CPA3: variants seen among roughly 807,000 people sequenced by gnomAD.
CPA3 encodes the protein carboxypeptidase A3, also known as mast cell carboxypeptidase A.
Under a neutral mutation model 55.8 loss-of-function variants are expected in CPA3, and 52 were observed. That is an observed-to-expected ratio of 0.93 (90% CI 0.75 to 1.17). CPA3 has a LOEUF of 1.17. Among genes scored for constraint, CPA3 ranks in the 50% most tolerant of loss-of-function variants. CPA3 has a pLI of 0.00. For synonymous variants in CPA3, 179 were observed against 171.2 expected, an observed-to-expected ratio of 1.05 and a Z score of -0.36; for missense variants, 547 against 509.1, an observed-to-expected ratio of 1.07 and a Z score of -0.72.
intron 3 of CPA3, among the ~76,000 whole-genome samples, chr3:148,873,657 A>G (rs1326187570): frequency 6.6e-6 from 1 of 152,230 alleles, no homozygotes; most frequent in Non-Finnish European, 1.5e-5. Context: ...TTTCACTCTC[A>G]TGATGAAGGC....
At chr3:148,867,978 C>G (rs754268267) in intron 2 of CPA3, among the ~76,000 whole-genome samples, 9 of 152,200 alleles carry the variant, frequency 5.9e-5, no homozygotes, top group Non-Finnish European at 1.0e-4. Flanking sequence ...TCACTGCAAC[C>G]TCCACCTCCC....
chr3:148,884,043 C>T (rs1246837154), intron 9 of CPA3, among the ~76,000 whole-genome samples: 1 of 151,692 alleles, frequency 6.6e-6, no homozygotes, highest in African/African-American at 2.4e-5. Context: ...AAAAAAAAAT[C>T]AGGAAGAAAT....
At chr3:148,885,476 T>A (rs574509887) in intron 9 of CPA3, among the ~76,000 whole-genome samples, 3 of 140,318 alleles carry the variant, frequency 2.1e-5, no homozygotes, top group Admixed American at 7.7e-5. Context: ...AGTGGCGCAA[T>A]CTTGGCTCAC....
intron 10 of CPA3, 71 bp downstream of exon 10, chr3:148,886,248 G>C: frequency 8.8e-7 from 1 of 1,134,102 alleles, no homozygotes; most frequent in South Asian, 1.5e-5. Flanking sequence ...GAAAATTATG[G>C]AATTTGCAAT....
intron 3 of CPA3, 106 bp downstream of exon 3, chr3:148,869,145 A>G (rs1301662981): frequency 7.9e-7 from 1 of 1,272,758 alleles, no homozygotes; most frequent in Non-Finnish European, 1.1e-6. Flanking sequence ...GGCCCCCCAG[A>G]ACGAAAGCTC....
intron 9 of CPA3, 42 bp downstream of exon 9, chr3:148,883,857 A>C: frequency 7.1e-7 from 1 of 1,402,732 alleles, no homozygotes; most frequent in Non-Finnish European, 1.0e-6. Context: ...CGACAATACC[A>C]TTGACTTTCA....
chr3:148,866,238 A>T (rs932961184), intron 2 of CPA3, among the ~76,000 whole-genome samples: 7 of 152,222 alleles, frequency 4.6e-5, no homozygotes, highest in Non-Finnish European at 8.8e-5. Flanking sequence ...TGGGTCTGGG[A>T]TTTATTCCAG....
At chr3:148,883,176 T>C (rs927368959) in intron 8 of CPA3, among the ~76,000 whole-genome samples, 2 of 152,228 alleles carry the variant, frequency 1.3e-5, no homozygotes, top group Admixed American at 6.5e-5. Context: ...TTAACTGTAT[T>C]CTACCATAAT....
chr3:148,877,293 C>T (rs575560617), intron 3 of CPA3, among the ~76,000 whole-genome samples: 5 of 152,258 alleles, frequency 3.3e-5, no homozygotes, highest in South Asian at 4.1e-4. Context: ...GTCAGGAGTT[C>T]GAGGCCAGCC....
chr3:148,876,831 A>T (rs1452650609), intron 3 of CPA3, among the ~76,000 whole-genome samples: 1 of 152,268 alleles, frequency 6.6e-6, no homozygotes, highest in Non-Finnish European at 1.5e-5. Flanking sequence ...GAAAATTCCC[A>T]GACAAAATAA....
At chr3:148,878,261 G>GA (rs1447724641) in intron 3 of CPA3, among the ~76,000 whole-genome samples, 180 bp from the exon 4 acceptor site, 1 of 152,134 alleles carries the variant, frequency 6.6e-6, no homozygotes, top group Non-Finnish European at 1.5e-5. Context: ...GATAAATGGG[G>GA]AGATCAGAAG....
intron 10 of CPA3, among the ~76,000 whole-genome samples, chr3:148,893,487 A>G (rs911369152): frequency 1.3e-5 from 2 of 152,164 alleles, no homozygotes; most frequent in Non-Finnish European, 2.9e-5. Flanking sequence ...CTGAAGACAG[A>G]AAATAAACAA....
intron 6 of CPA3, among the ~76,000 whole-genome samples, chr3:148,880,765 G>A (rs946510299): frequency 6.6e-6 from 1 of 152,160 alleles, no homozygotes; most frequent in Non-Finnish European, 1.5e-5. Context: ...GCACAGTGGT[G>A]AAATATGTGT....
chr3:148,880,614 G>A (rs1403179716), intron 6 of CPA3, among the ~76,000 whole-genome samples: 2 of 152,130 alleles, frequency 1.3e-5, no homozygotes, highest in Non-Finnish European at 2.9e-5. Context: ...TAACAGGTAT[G>A]AGCCACCACA....
At chr3:148,871,171 TA>T (rs1714056632) in intron 3 of CPA3, among the ~76,000 whole-genome samples, 1 of 152,182 alleles carries the variant, frequency 6.6e-6, no homozygotes, top group African/African-American at 2.4e-5. Context: ...GCACCAGGCC[TA>T]CTGTGTCTCT....
chr3:148,871,515 C>T (rs896537910), intron 3 of CPA3, among the ~76,000 whole-genome samples: 9 of 152,298 alleles, frequency 5.9e-5, no homozygotes, highest in East Asian at 3.9e-4. Context: ...AGCATCCTTC[C>T]AATTTATCAA....
At chr3:148,895,921 C>T (rs998439023) in intron 10 of CPA3, among the ~76,000 whole-genome samples, 1 of 151,962 alleles carries the variant, frequency 6.6e-6, no homozygotes, top group Admixed American at 6.6e-5. Context: ...ATGTATATAA[C>T]CTTTAGATGT....
At chr3:148,887,549 T>C (rs535009470) in intron 10 of CPA3, among the ~76,000 whole-genome samples, 3 of 152,300 alleles carry the variant, frequency 2.0e-5, no homozygotes, top group African/African-American at 7.2e-5. Context: ...AGCTGAAATA[T>C]CCAGGATTTT....
intron 1 of CPA3, 29 bp from the exon 2 acceptor site, chr3:148,865,444 C>T (rs1713868415): frequency 1.6e-6 from 2 of 1,258,422 alleles, no homozygotes; most frequent in East Asian, 2.8e-5. Context: ...TTACAGTTCA[C>T]TTTTTTTTTT....
Sources: gnomAD v4.1 joint callset for allele counts (sites outside exome capture counted in the v4.1 genomes callset) on GRCh38, gnomAD v4.1.1 for gene constraint, MANE v1.5 for transcripts, NCBI Gene and HGNC (gene_info 2026-07-23, HGNC 2026-07-21) for gene names.